Variants in KCNC2 observed in about 807,000 individuals in gnomAD.
The protein encoded by KCNC2 is voltage-gated potassium channel KCNC2.
A neutral mutation model predicts 44.5 loss-of-function variants in KCNC2; 21 were observed. The ratio of observed to expected loss-of-function variants is 0.47; its 90% CI spans 0.33 to 0.68. The LOEUF is 0.68. Ranked by LOEUF, KCNC2 falls within the 30% of genes least tolerant of loss-of-function variation. The pLI is 0.01. For synonymous variants in KCNC2, 391 were observed against 339.1 expected (o/e 1.15, Z -1.68); for missense variants, 589 against 826.2 (o/e 0.71, Z 3.52).
chr12:75,145,331 G>A (rs1455147330), intron 2 of KCNC2, among the ~76,000 whole-genome samples: 1 of 151,790 alleles, frequency 6.6e-6, no homozygotes, highest in Admixed American at 6.6e-5. Flanking sequence ...AGTTTAAAAT[G>A]CCTGGGCCAA....
At chr12:75,172,531 C>G (rs189449081) in intron 2 of KCNC2, among the ~76,000 whole-genome samples, 1 of 151,876 alleles carries the variant, frequency 6.6e-6, no homozygotes, top group East Asian at 1.9e-4. Context: ...CCTGTACTTT[C>G]ATTCTTATAG....
At chr12:75,144,640 GTA>G (rs35763797) in intron 2 of KCNC2, among the ~76,000 whole-genome samples, 63 of 149,334 alleles carry the variant, frequency 4.2e-4, no homozygotes, top group African/African-American at 1.2e-3. Flanking sequence ...GTGTGTGTGT[GTA>G]TATATATATA....
rs1290008673 is a variant in KCNC2 at position 75,041,199 on chromosome 12, G to T, written c.*1906C>A. On this transcript the variant is annotated 3_prime_UTR_variant, in exon 5 of 5. Coordinates refer to ENST00000549446, the MANE Select transcript of KCNC2 (RefSeq NM_139137.4). Reference sequence around the variant, plus strand: ...CAGTCAATAATCCATGATAAATTCTGTACAACACTGTAGTCAATAACAGCA... The same window carrying T: ...CAGTCAATAATCCATGATAAATTCTTTACAACACTGTAGTCAATAACAGCA... 6.3e-7 allele frequency: 1 copy of T among 1,595,424 alleles called. No individual in the cohort carries two copies. Among genetic ancestry groups the T allele is most frequent in the Non-Finnish European group, 8.5e-7 (1 of 1,177,792 alleles).
chr12:75,151,346 G>C (rs576233828), intron 2 of KCNC2, among the ~76,000 whole-genome samples: 1 of 152,106 alleles, frequency 6.6e-6, no homozygotes, highest in South Asian at 2.1e-4. Context: ...CACACTACCT[G>C]TACAGTATCA....
chr12:75,043,089 A>G lies in KCNC2; in HGVS notation c.*16T>C. On this transcript the variant is annotated 3_prime_UTR_variant, in exon 5 of 5. Coordinates refer to ENST00000549446, the MANE Select transcript of KCNC2 (RefSeq NM_139137.4). Reference sequence around the variant, plus strand: ...TTAATACAATTTAGCCGACTGATGCAGTTTGGTTGTTTGGTTTACAAGATA... The same window carrying G: ...TTAATACAATTTAGCCGACTGATGCGGTTTGGTTGTTTGGTTTACAAGATA... 1 of 1,610,412 alleles carries G rather than the reference A, an allele frequency of 6.2e-7. No individual in the cohort carries two copies. The highest frequency in any genetic ancestry group is 8.5e-7 in the Non-Finnish European group (1 of 1,178,174).
intron 2 of KCNC2, among the ~76,000 whole-genome samples, chr12:75,088,985 C>G (rs753823080): frequency 4.0e-5 from 6 of 151,798 alleles, no homozygotes; most frequent in Non-Finnish European, 8.8e-5. Context: ...ATATAAAGAT[C>G]AAGTGAACAA....
At chr12:75,097,396 A>G (rs1292287165) in intron 2 of KCNC2, among the ~76,000 whole-genome samples, 1 of 152,134 alleles carries the variant, frequency 6.6e-6, no homozygotes, top group African/African-American at 2.4e-5. Context: ...AATATAAACT[A>G]TGGACTTTGG....
chr12:75,138,673 T>C (rs577658587), intron 2 of KCNC2, among the ~76,000 whole-genome samples: 1 of 151,924 alleles, frequency 6.6e-6, no homozygotes, highest in Non-Finnish European at 1.5e-5. Flanking sequence ...TCAAAGATGT[T>C]TTACCTATAA....
chr12:75,092,246 G>A (rs552663435), intron 2 of KCNC2, among the ~76,000 whole-genome samples: 1 of 151,700 alleles, frequency 6.6e-6, no homozygotes, highest in African/African-American at 2.4e-5. Context: ...CCACGTGAAA[G>A]GCCACATAGA....
At chr12:75,205,547 GAACA>G (rs2031615314) in intron 2 of KCNC2, among the ~76,000 whole-genome samples, 1 of 152,070 alleles carries the variant, frequency 6.6e-6, no homozygotes, top group Non-Finnish European at 1.5e-5. Flanking sequence ...GATAAAAGTT[GAACA>G]CCTTCTTAAA....
chr12:75,181,236 T>C (rs1318879308), intron 2 of KCNC2, among the ~76,000 whole-genome samples: 1 of 152,284 alleles, frequency 6.6e-6, no homozygotes, highest in East Asian at 1.9e-4. Flanking sequence ...AAAAAAACAG[T>C]AATTTTCCAT....
At chr12:75,115,734 T>C (rs1203063398) in intron 2 of KCNC2, among the ~76,000 whole-genome samples, 1 of 152,210 alleles carries the variant, frequency 6.6e-6, no homozygotes, top group Non-Finnish European at 1.5e-5. Context: ...ATTTCTCTAC[T>C]TGTGTGATTC....
At chr12:75,135,814 A>G (rs1889186613) in intron 2 of KCNC2, among the ~76,000 whole-genome samples, 1 of 152,000 alleles carries the variant, frequency 6.6e-6, no homozygotes, top group South Asian at 2.1e-4. Context: ...TTATAAGTCA[A>G]TATTTCTAAT....
chr12:75,083,360 T>C (rs190701797), intron 2 of KCNC2, among the ~76,000 whole-genome samples: 1 of 151,972 alleles, frequency 6.6e-6, no homozygotes, highest in East Asian at 1.9e-4. Context: ...CAGATTTACA[T>C]AAAAACTCTT....
intron 2 of KCNC2, among the ~76,000 whole-genome samples, chr12:75,084,920 A>G (rs1353625671): frequency 6.7e-6 from 1 of 150,360 alleles, no homozygotes; most frequent in African/African-American, 2.4e-5. Context: ...TTATATATAT[A>G]TTTATAATCT....
intron 2 of KCNC2, among the ~76,000 whole-genome samples, chr12:75,188,632 C>T (rs2029899138): frequency 1.3e-5 from 2 of 151,764 alleles, no homozygotes; most frequent in African/African-American, 2.4e-5. Flanking sequence ...GAGGCTGAGG[C>T]GGGTGGATCA....
intron 2 of KCNC2, among the ~76,000 whole-genome samples, chr12:75,206,683 C>T (rs2031711915): frequency 6.6e-6 from 1 of 152,150 alleles, no homozygotes; most frequent in Non-Finnish European, 1.5e-5. Flanking sequence ...GGAAACAATC[C>T]TAGTATTCGT....
intron 2 of KCNC2, among the ~76,000 whole-genome samples, chr12:75,090,026 A>G (rs1355342564): frequency 6.6e-6 from 1 of 151,766 alleles, no homozygotes; most frequent in African/African-American, 2.4e-5. Context: ...ACTTTCCAAT[A>G]AGCTGGATTA....
chr12:75,144,411 C>T (rs897727274), intron 2 of KCNC2, among the ~76,000 whole-genome samples: 2 of 152,028 alleles, frequency 1.3e-5, no homozygotes, highest in East Asian at 1.9e-4. Context: ...ATTATTAAGT[C>T]GTTGGCTACT....
Sources: allele counts gnomAD v4.1 joint callset (sites outside exome capture counted in the v4.1 genomes callset), GRCh38; gene constraint gnomAD v4.1.1; transcripts MANE v1.5; gene names NCBI Gene and HGNC (gene_info 2026-07-23, HGNC 2026-07-21).